Variants in BANP observed in about 807,000 individuals in gnomAD.
The protein encoded by BANP is protein BANP.
In BANP, 11 loss-of-function variants were observed where a neutral mutation model predicts 68.1. The ratio of observed to expected loss-of-function variants is 0.16; its 90% CI spans 0.10 to 0.27. The LOEUF is 0.27. Among genes scored for constraint, BANP ranks in the 10% least tolerant of loss-of-function variants. BANP has a pLI of 1.00. For synonymous variants in BANP, 329 were observed against 303.2 expected (o/e 1.09, Z -0.88); for missense variants, 504 against 722.7 (o/e 0.70, Z 3.47).
chr16:88,035,689 T>C (rs570235656), intron 10 of BANP, among the ~76,000 whole-genome samples: 1 of 152,220 alleles, frequency 6.6e-6, no homozygotes, highest in Non-Finnish European at 1.5e-5. Flanking sequence ...CTTCTCTCCC[T>C]GTCTGGCCCT....
chr16:88,013,452 C>A (rs1164464202), intron 6 of BANP, among the ~76,000 whole-genome samples: 1 of 151,988 alleles, frequency 6.6e-6, no homozygotes, highest in East Asian at 1.9e-4. Flanking sequence ...ACGGGCCCTC[C>A]CTCAGTGCAG....
chr16:88,017,344 G>C (rs929829026), intron 6 of BANP: 26 of 152,498 alleles, frequency 1.7e-4, no homozygotes, highest in African/African-American at 6.0e-4. Context: ...GACTCTTGCA[G>C]CCTCACTTTG....
At chr16:87,951,665 A>T (rs549143184) in intron 1 of BANP, 150 bp downstream of exon 1, 2 of 142,078 alleles carry the variant, frequency 1.4e-5, no homozygotes, top group East Asian at 4.4e-4. Context: ...GGGCCGGGCG[A>T]TCGCCCCCCG....
chr16:88,056,301 C>G (rs1790998936), intron 11 of BANP, among the ~76,000 whole-genome samples: 1 of 152,220 alleles, frequency 6.6e-6, no homozygotes, highest in South Asian at 2.1e-4. Context: ...TGAGTGATGA[C>G]TAGTCAGTAA....
At chr16:88,019,558 A>G (rs1290816302) in intron 7 of BANP, among the ~76,000 whole-genome samples, 6 of 73,198 alleles carry the variant, frequency 8.2e-5, no homozygotes, top group East Asian at 5.3e-4. Flanking sequence ...CCGGGATCTC[A>G]GCGTGCGGGG....
chr16:88,039,227 G>A (rs906821467), intron 11 of BANP, among the ~76,000 whole-genome samples: 1 of 151,976 alleles, frequency 6.6e-6, no homozygotes, highest in African/African-American at 2.4e-5. Context: ...TCGTCTGTAA[G>A]TATGAATTGC....
chr16:88,072,173 G>A lies in BANP; in HGVS notation c.1482G>A (p.Val494=). ...LQGSDIQVQY[V]QLAPVSDHTA... is the part of the protein sequence containing the mutation. ...GCAGCGACATCCAGGTTCAGTACGT[G>A]CAGCTGGCGCCAGTGAGTGACCACA... is the stretch of plus-strand genomic sequence containing the variant. The change falls in exon 13 of 14, where the codon GTG becomes GTA. Residue 494 remains valine, a synonymous_variant. Transcript: ENST00000682872. 6.2e-7 allele frequency: 1 copy of A among 1,611,372 alleles called. No individual in the cohort carries two copies. The highest frequency in any genetic ancestry group is 8.5e-7 in the Non-Finnish European group (1 of 1,179,704).
chr16:87,988,180 G>T (rs1478425681), intron 4 of BANP, among the ~76,000 whole-genome samples: 1 of 152,192 alleles, frequency 6.6e-6, no homozygotes, highest in Admixed American at 6.5e-5. Flanking sequence ...AAATTGGGCA[G>T]TGGAACATTG....
At chr16:88,070,235 C>T (rs2089967791) in intron 12 of BANP, among the ~76,000 whole-genome samples, 1 of 152,096 alleles carries the variant, frequency 6.6e-6, no homozygotes, top group African/African-American at 2.4e-5. Flanking sequence ...AGAGGCTGTA[C>T]ATGACTTCAG....
Position 88,018,608 on chromosome 16 carries a change from C to T in BANP, c.836C>T (p.Ser279Leu). 1 of 1,589,778 alleles carries T rather than the reference C, an allele frequency of 6.3e-7. No homozygotes were observed. The highest frequency in any genetic ancestry group is 8.6e-7 in the Non-Finnish European group (1 of 1,167,842). The change falls in exon 7 of 14, where the codon TCG (serine) becomes TTG (leucine). Residue 279 changes from serine (S) to leucine (L), a missense_variant. Coordinates refer to ENST00000682872, the MANE Select transcript of BANP (RefSeq NM_001386991.1). The surrounding 1 kb of genome is among the most constrained non-coding windows in gnomAD (Gnocchi z 7.7). ...GAGGTGCAGGCTGTGTCCAACCTCT[C>T]GGGGCAGGGCAAGCACGGGAAGAAG... ...HREVQAVSNL[S>L]GQGKHGKKQL...
intron 4 of BANP, among the ~76,000 whole-genome samples, chr16:87,996,399 C>T (rs1268003447): frequency 5.9e-5 from 9 of 151,620 alleles, no homozygotes. Context: ...CCGGCTGGGC[C>T]CTCGTCCGGG....
intron 9 of BANP, 127 bp from the exon 10 acceptor site, chr16:88,035,196 A>C (rs570672669): frequency 3.4e-6 from 3 of 884,646 alleles, no homozygotes; most frequent in East Asian, 2.7e-5. Flanking sequence ...ATATTGCACT[A>C]TTCAGGATTT....
rs1598966692 is a variant in BANP at position 88,057,883 on chromosome 16, T to C, written c.1312-7384T>C. ...CACGCAGCGAGCACTTTCCGGACAGTGCGGTGCGGGGCAGCGAGTGGCCGC... is the reference window on the plus strand; with the variant it reads ...CACGCAGCGAGCACTTTCCGGACAGCGCGGTGCGGGGCAGCGAGTGGCCGC... On this transcript the variant is annotated intron_variant, in intron 11 of 13. Transcript: ENST00000682872. The surrounding 1 kb of genome is among the most constrained non-coding windows in gnomAD (Gnocchi z 4.6). Among the ~76,000 whole-genome samples, 2 of 151,650 alleles carry C rather than the reference T, an allele frequency of 1.3e-5. No individual in the cohort carries two copies. Among genetic ancestry groups the C allele is most frequent in the Admixed American group, 1.3e-4 (2 of 15,238 alleles).
chr16:88,044,100 C>T (rs1357753928), intron 11 of BANP, among the ~76,000 whole-genome samples: 2 of 152,156 alleles, frequency 1.3e-5, no homozygotes, highest in Non-Finnish European at 2.9e-5. Flanking sequence ...GCTTTGCTGC[C>T]GTGGGTACCC....
rs750599804 is a variant in BANP at position 88,057,950 on chromosome 16, C to T, written c.1312-7317C>T. On this transcript the variant is annotated intron_variant, in intron 11 of 13. Transcript: ENST00000682872. This position sits in a 1 kb window ranked among gnomAD's most constrained non-coding sequence, Gnocchi z 4.6. ...CAGGCGCCGAGGCTCGGTGTGGGCC[C>T]GTGGGCCTGATTGAAGTCACACTCC... 5.3e-5 allele frequency among the ~76,000 whole-genome samples: 8 copies of T among 152,122 alleles called. No individual in the cohort carries two copies. The highest frequency in any genetic ancestry group is 8.8e-5 in the Non-Finnish European group (6 of 68,016).
At chr16:87,953,044 C>T (rs149816642) in intron 1 of BANP, among the ~76,000 whole-genome samples, 1 of 152,130 alleles carries the variant, frequency 6.6e-6, no homozygotes, top group Non-Finnish European at 1.5e-5. Context: ...GTGGGGGCAG[C>T]TCAACATCTC....
At position 88,071,125 on chromosome 16, in the gene BANP, C is replaced by A; in HGVS notation, c.1378-944C>A. ...GGCCAGGCTCCGTGGGGTGGGGCACCCTGCGACGGGCTGCTCCTCTTCCCA... is the reference window on the plus strand; with the variant it reads ...GGCCAGGCTCCGTGGGGTGGGGCACACTGCGACGGGCTGCTCCTCTTCCCA... On this transcript the variant is annotated intron_variant, in intron 12 of 13. Transcript: ENST00000682872. The surrounding 1 kb of genome is among the most constrained non-coding windows in gnomAD (Gnocchi z 6.5). 3.6e-6 allele frequency: 1 copy of A among 280,328 alleles called. No homozygotes were observed. Among genetic ancestry groups the A allele is most frequent in the Non-Finnish European group, 7.0e-6 (1 of 143,518 alleles). The allele number at this position is 280,328 out of a possible 1,614,324, so 17.4% of individuals were successfully genotyped here.
intron 7 of BANP, among the ~76,000 whole-genome samples, chr16:88,024,688 G>A (rs1032829396): frequency 6.6e-6 from 1 of 152,250 alleles, no homozygotes; most frequent in Non-Finnish European, 1.5e-5. Context: ...GCACTTGGGC[G>A]GCTGGTCCGT....
intron 7 of BANP, among the ~76,000 whole-genome samples, chr16:88,025,920 C>G (rs1417829568): frequency 1.3e-5 from 2 of 152,212 alleles, no homozygotes; most frequent in Non-Finnish European, 2.9e-5. Flanking sequence ...CATGAGCCAG[C>G]TAGAGAGGCC....
Sources: gnomAD v4.1 joint callset for allele counts (sites outside exome capture counted in the v4.1 genomes callset) on GRCh38, gnomAD v4.1.1 for gene constraint, Gnocchi (gnomAD v3.1) non-coding constraint, MANE v1.5 for transcripts, NCBI Gene and HGNC (gene_info 2026-07-23, HGNC 2026-07-21) for gene names.